CARS1: variants seen among roughly 807,000 people sequenced by gnomAD.
The protein encoded by CARS1 is cysteinyl-tRNA synthetase 1.
In CARS1, 48 loss-of-function variants were observed where a neutral mutation model predicts 106.2. That is an observed-to-expected ratio of 0.45 (90% CI 0.36 to 0.57). The LOEUF (loss-of-function observed/expected upper bound fraction) is 0.57, where lower values mean the gene tolerates loss of function less well. Ranked by LOEUF, CARS1 falls within the 20% of genes least tolerant of loss-of-function variation. The pLI is 0.00. For synonymous variants in CARS1, 409 were observed against 403.4 expected, an observed-to-expected ratio of 1.01 and a Z score of -0.17; for missense variants, 968 against 1,057.2, an observed-to-expected ratio of 0.92 and a Z score of 1.17.
chr11:3,030,721 T>C lies in CARS1; in HGVS notation c.802-1278A>G, dbSNP rs1425583194. Reference sequence around the variant, plus strand: ...GATACATAATAAAATCCAGTAAATATTACAGGCTTAAAGACATAAGGACGG... The same window carrying C: ...GATACATAATAAAATCCAGTAAATACTACAGGCTTAAAGACATAAGGACGG... On this transcript the variant is annotated intron_variant, in intron 7 of 22. Transcript: ENST00000380525. The surrounding 1 kb of genome is among the most constrained non-coding windows in gnomAD (Gnocchi z 5.7). 1 of 152,000 alleles carries C rather than the reference T, an allele frequency of 6.6e-6. No homozygotes were observed. The highest frequency in any genetic ancestry group is 2.4e-5 in the African/African-American group (1 of 41,350). The allele number at this position is 152,000 out of a possible 1,614,324, so 9.4% of individuals were successfully genotyped here. A position where few individuals can be genotyped will look rare whatever the true frequency, so the allele number is the denominator to read the frequency against.
intron 10 of CARS1, among the ~76,000 whole-genome samples, chr11:3,025,617 G>C (rs1851975661): frequency 6.6e-6 from 1 of 152,220 alleles, no homozygotes. Flanking sequence ...AGAAACACTA[G>C]GACAGGCGGG....
At chr11:3,002,087 C>T (rs546270784) in intron 21 of CARS1, 34 bp from the exon 22 acceptor site, 81 of 1,418,408 alleles carry the variant, frequency 5.7e-5, no homozygotes, top group South Asian at 6.9e-5. Flanking sequence ...TCACTGCCCC[C>T]GAGCAGCACC....
chr11:3,044,070 G>C lies in CARS1; in HGVS notation c.275-1814C>G, dbSNP rs375579. Among the ~76,000 whole-genome samples, 49,961 of 152,004 alleles carry C rather than the reference G, an allele frequency of 0.33. 10,296 individuals are homozygous for C. Among genetic ancestry groups the C allele is most frequent in the East Asian group, 0.66 (3,384 of 5,146 alleles). On this transcript the variant is annotated intron_variant, in intron 2 of 22. Transcript: ENST00000380525. This position sits in a 1 kb window ranked among gnomAD's most constrained non-coding sequence, Gnocchi z 4.4. ...ACTCAATGCCTGGAGGCATTCAACC[G>C]GCCACTCTAGGATCCCATCACTCTC... is the stretch of plus-strand genomic sequence containing the variant.
chr11:3,043,442 C>T lies in CARS1; in HGVS notation c.275-1186G>A, dbSNP rs902313099. On this transcript the variant is annotated intron_variant, in intron 2 of 22. Coordinates refer to ENST00000380525, the MANE Select transcript of CARS1 (RefSeq NM_001014437.3). This position sits in a 1 kb window ranked among gnomAD's most constrained non-coding sequence, Gnocchi z 4.0. Reference sequence around the variant, plus strand: ...CAGTCGTCGCCCACAGGTCCAGGTTCTGCGTTATGCTCTGCTGGGCACCTC... The same window carrying T: ...CAGTCGTCGCCCACAGGTCCAGGTTTTGCGTTATGCTCTGCTGGGCACCTC... Among the ~76,000 whole-genome samples, 2 of 151,888 alleles carry T rather than the reference C, an allele frequency of 1.3e-5. No homozygotes were observed. The highest frequency in any genetic ancestry group is 4.8e-5 in the African/African-American group (2 of 41,318).
At chr11:3,027,727 T>C in intron 9 of CARS1, 1 of 419,126 alleles carries the variant, frequency 2.4e-6, no homozygotes, top group Admixed American at 2.5e-5. Context: ...GAACCTCCTG[T>C]TATGCCCGGA....
Position 3,036,403 on chromosome 11 carries a change from A to G in CARS1, c.801+1647T>C, listed in dbSNP as rs117260181. Among the ~76,000 whole-genome samples the G allele has an allele frequency of 8.1e-3, 1,234 of 152,306 alleles. 11 individuals are homozygous for G. Among genetic ancestry groups the G allele is most frequent in the Non-Finnish European group, 0.011 (772 of 68,034 alleles). On this transcript the variant is annotated intron_variant, in intron 7 of 22. Coordinates refer to ENST00000380525, the MANE Select transcript of CARS1 (RefSeq NM_001014437.3). Reference sequence around the variant, plus strand: ...GAAACTTGCAAATGTCCACCTAGAGACAACACAAAACAACTCACAGTTCAG... The same window carrying G: ...GAAACTTGCAAATGTCCACCTAGAGGCAACACAAAACAACTCACAGTTCAG...
chr11:3,010,679 G>T lies in CARS1; in HGVS notation c.2068+1516C>A, dbSNP rs141196926. ...ACCCAGTGTCCTGCACTCTCCTGCA[G>T]CCTGTGGAGCCCCGAGCTCCCGAAA... On this transcript the variant is annotated intron_variant, in intron 18 of 22. Coordinates refer to ENST00000380525, the MANE Select transcript of CARS1 (RefSeq NM_001014437.3). 2.4e-3 allele frequency among the ~76,000 whole-genome samples: 362 copies of T among 152,316 alleles called. 2 individuals are homozygous for T. The highest frequency in any genetic ancestry group is 8.5e-3 in the African/African-American group (352 of 41,580).
At chr11:3,024,386 A>G (rs1290337453) in intron 10 of CARS1, among the ~76,000 whole-genome samples, 1 of 152,082 alleles carries the variant, frequency 6.6e-6, no homozygotes, top group African/African-American at 2.4e-5. Context: ...CCCCCCAGAC[A>G]AGTTTGTACA....
At chr11:3,005,264 A>G in intron 20 of CARS1, 102 bp downstream of exon 20, 4 of 814,058 alleles carry the variant, frequency 4.9e-6, no homozygotes, top group Non-Finnish European at 7.8e-6. Context: ...GATTTTAATA[A>G]AAGTGTAAAC....
At position 3,037,706 on chromosome 11, in the gene CARS1, G is replaced by T. The variant is rs1484675512; in HGVS notation, c.801+344C>A. Among the ~76,000 whole-genome samples the T allele has an allele frequency of 6.6e-6, 1 of 152,210 alleles. No individual in the cohort carries two copies. Among genetic ancestry groups the T allele is most frequent in the Admixed American group, 6.5e-5 (1 of 15,286 alleles). ...CCTCCTTCTCCAGCTGGTGTGGGGA[G>T]AGTCCGCTGGAGAATCTTGGAACAC... On this transcript the variant is annotated intron_variant, in intron 7 of 22. Coordinates refer to ENST00000380525, the MANE Select transcript of CARS1 (RefSeq NM_001014437.3). The surrounding 1 kb of genome is among the most constrained non-coding windows in gnomAD (Gnocchi z 5.9).
chr11:3,051,346 C>T (rs429289), intron 1 of CARS1, among the ~76,000 whole-genome samples: 38,135 of 152,196 alleles, frequency 0.25, 6,445 homozygotes, highest in East Asian at 0.66. Context: ...GCCCCATCCC[C>T]ACAGTTACAG....
intron 16 of CARS1, among the ~76,000 whole-genome samples, chr11:3,016,483 A>T (rs1020235289): frequency 3.3e-5 from 5 of 152,094 alleles, no homozygotes; most frequent in African/African-American, 1.2e-4. Flanking sequence ...TTGGCCTCCC[A>T]AAGTGCTGGG....
At chr11:3,024,815 C>T (rs1851896879) in intron 10 of CARS1, among the ~76,000 whole-genome samples, 1 of 152,170 alleles carries the variant, frequency 6.6e-6, no homozygotes, top group African/African-American at 2.4e-5. Flanking sequence ...AATGAGGGTT[C>T]CTTGAAAACG....
Position 3,019,132 on chromosome 11 carries a change from C to T in CARS1, c.1395+7G>A. ...GCACCTGACAAGGGGACTCTGTTTTCACCTACCTCCGACTGTGCCAGCTCA... is the reference window on the plus strand; with the variant it reads ...GCACCTGACAAGGGGACTCTGTTTTTACCTACCTCCGACTGTGCCAGCTCA... On this transcript the variant is annotated splice_region_variant and intron_variant, in intron 12 of 22. Transcript: ENST00000380525. This position sits in a 1 kb window ranked among gnomAD's most constrained non-coding sequence, Gnocchi z 6.2. The T allele has an allele frequency of 6.6e-7, 1 of 1,512,594 alleles. No individual in the cohort carries two copies. The highest frequency in any genetic ancestry group is 8.8e-7 in the Non-Finnish European group (1 of 1,135,548). 93.7% of individuals were successfully genotyped at this position (1,512,594 alleles called of 1,614,324 possible).
chr11:3,050,751 CT>C lies in CARS1; in HGVS notation c.26-2751del, dbSNP rs1855595956. On this transcript the variant is annotated intron_variant, in intron 1 of 22. Coordinates refer to ENST00000380525, the MANE Select transcript of CARS1 (RefSeq NM_001014437.3). This position sits in a 1 kb window ranked among gnomAD's most constrained non-coding sequence, Gnocchi z 6.3. Reference sequence around the variant, plus strand: ...ATGCTCCCCAGATACCAGCAGGCCCCTTAATCCTTCACAGCTCTGCTAGGTG... The same window carrying C: ...ATGCTCCCCAGATACCAGCAGGCCCCTAATCCTTCACAGCTCTGCTAGGTG... Among the ~76,000 whole-genome samples, 1 of 152,210 alleles carries C rather than the reference CT, an allele frequency of 6.6e-6. No homozygotes were observed. The highest frequency in any genetic ancestry group is 2.4e-5 in the African/African-American group (1 of 41,452).
chr11:3,020,153 G>A lies in CARS1; in HGVS notation c.1266+67C>T, dbSNP rs1851440766. 1 of 936,668 alleles carries A rather than the reference G, an allele frequency of 1.1e-6. No individual in the cohort carries two copies. The highest frequency in any genetic ancestry group is 2.7e-4 in the Middle Eastern group (1 of 3,706). The allele number at this position is 936,668 out of a possible 1,614,324, so 58.0% of individuals were successfully genotyped here. On this transcript the variant is annotated intron_variant, in intron 11 of 22. Transcript: ENST00000380525. This position sits in a 1 kb window ranked among gnomAD's most constrained non-coding sequence, Gnocchi z 4.6. ...ACACACAGAGCGGCCCTCTGCTGGG[G>A]GCCTGAGAGTGTGGCTGGCGCCAGT...
At chr11:3,016,370 G>A (rs1229919208) in intron 16 of CARS1, among the ~76,000 whole-genome samples, 3 of 152,046 alleles carry the variant, frequency 2.0e-5, no homozygotes, top group South Asian at 4.2e-4. Context: ...ACAGGAACCC[G>A]CCACCATGCC....
chr11:3,007,238 A>G (rs989124129), intron 18 of CARS1: 5 of 496,848 alleles, frequency 1.0e-5, no homozygotes, highest in African/African-American at 9.6e-5. Context: ...AGGAGGAAGC[A>G]TAGCACACTG....
At chr11:3,024,824 C>A (rs781484890) in intron 10 of CARS1, among the ~76,000 whole-genome samples, 1 of 152,202 alleles carries the variant, frequency 6.6e-6, no homozygotes, top group Non-Finnish European at 1.5e-5. Context: ...TCCTTGAAAA[C>A]GGTTCTTTGA....
Sources: allele counts gnomAD v4.1 joint callset (sites outside exome capture counted in the v4.1 genomes callset), GRCh38; gene constraint gnomAD v4.1.1; non-coding constraint Gnocchi (gnomAD v3.1); transcripts MANE v1.5; gene names NCBI Gene and HGNC (gene_info 2026-07-23, HGNC 2026-07-21).